SBF2: variants seen among roughly 807,000 people sequenced by gnomAD.
The protein encoded by SBF2 is SET binding factor 2.
A neutral mutation model predicts 225.2 loss-of-function variants in SBF2; 112 were observed. The observed-to-expected ratio is 0.50, with a 90% confidence interval of 0.43 to 0.58. SBF2 has a LOEUF of 0.58. Ranked by LOEUF, SBF2 falls within the 20% of genes least tolerant of loss-of-function variation. The pLI is 0.00. For synonymous variants in SBF2, 763 were observed against 773.3 expected, an observed-to-expected ratio of 0.99 and a Z score of 0.22; for missense variants, 1,996 against 2,206.2, an observed-to-expected ratio of 0.90 and a Z score of 1.91.
At chr11:10,129,623 A>T (rs1591023103) in intron 2 of SBF2, among the ~76,000 whole-genome samples, 1 of 152,222 alleles carries the variant, frequency 6.6e-6, no homozygotes, top group Non-Finnish European at 1.5e-5. Context: ...CATGAGAATT[A>T]TTCAGTTTCT....
At chr11:10,208,548 A>G (rs2135375519) in intron 1 of SBF2, among the ~76,000 whole-genome samples, 1 of 152,210 alleles carries the variant, frequency 6.6e-6, no homozygotes, top group East Asian at 1.9e-4. Context: ...GGGGTGAAGG[A>G]GGCGGTGAAG....
At chr11:10,042,462 G>A (rs112154888) in intron 3 of SBF2, among the ~76,000 whole-genome samples, 72 of 152,258 alleles carry the variant, frequency 4.7e-4, no homozygotes, top group African/African-American at 1.6e-3. Context: ...AAACAATAAT[G>A]TCAAGCATTG....
In SBF2 at chr11:10,294,177, A is replaced by C. The variant is rs910114584; in HGVS notation, c.-108T>G. 5.9e-6 allele frequency: 5 copies of C among 842,360 alleles called. No homozygotes were observed. Among genetic ancestry groups the C allele is most frequent in the Non-Finnish European group, 6.4e-6 (4 of 628,448 alleles). The allele number at this position is 842,360 out of a possible 1,614,324, so 52.2% of individuals were successfully genotyped here. On this transcript the variant is annotated 5_prime_UTR_variant, in exon 1 of 40. Coordinates refer to ENST00000256190, the MANE Select transcript of SBF2 (RefSeq NM_030962.4). ...TTTTCCCTGCAGCGGCAGTAGCGGC[A>C]GCGGCAGCGCTTCAGCCATGTTTGA...
chr11:10,219,083 G>A (rs1041085703), intron 1 of SBF2, among the ~76,000 whole-genome samples: 103 of 152,280 alleles, frequency 6.8e-4, no homozygotes, highest in Non-Finnish European at 2.1e-4. Context: ...TCTGTGTGGC[G>A]GCTCTGACTC....
intron 6 of SBF2, among the ~76,000 whole-genome samples, chr11:10,025,898 G>C (rs553282388): frequency 6.6e-6 from 1 of 152,260 alleles, no homozygotes; most frequent in African/African-American, 2.4e-5. Flanking sequence ...ACTGTGCCTG[G>C]TCTAGCGGAT....
intron 1 of SBF2, among the ~76,000 whole-genome samples, chr11:10,207,062 G>A (rs1957775434): frequency 6.6e-6 from 1 of 152,058 alleles, no homozygotes; most frequent in South Asian, 2.1e-4. Flanking sequence ...TTAAACATCT[G>A]AAAATTAAAA....
At chr11:9,952,834 A>G (rs901158557) in intron 16 of SBF2, among the ~76,000 whole-genome samples, 2 of 152,238 alleles carry the variant, frequency 1.3e-5, no homozygotes, top group Non-Finnish European at 2.9e-5. Flanking sequence ...CAAAACCACA[A>G]TATGATACCA....
At chr11:10,075,355 C>A (rs1224557334) in intron 2 of SBF2, among the ~76,000 whole-genome samples, 1 of 152,224 alleles carries the variant, frequency 6.6e-6, no homozygotes, top group African/African-American at 2.4e-5. Flanking sequence ...ACCAGTCACA[C>A]AATCAGTACT....
rs139406752 is a variant in SBF2, at chr11:9,805,822, C to T, written c.4443+2178G>A. On this transcript the variant is annotated intron_variant, in intron 32 of 39. Transcript: ENST00000256190. ...TATTTTTAGTAGAGATGGGGTTTCA[C>T]CATGTTGGCCAGGATGGTTTTGATC... Among the ~76,000 whole-genome samples the T allele has an allele frequency of 5.6e-4, 86 of 152,246 alleles. No homozygotes were observed. The East Asian group carries it at 0.013, about 23-fold the overall frequency.
intron 1 of SBF2, among the ~76,000 whole-genome samples, chr11:10,277,306 C>T (rs1273910945): frequency 6.6e-6 from 1 of 151,936 alleles, no homozygotes; most frequent in African/African-American, 2.4e-5. Flanking sequence ...CCAAGGAATT[C>T]TGAATTTTCT....
chr11:9,920,374 G>C (rs1427675960), intron 16 of SBF2, among the ~76,000 whole-genome samples: 4 of 152,100 alleles, frequency 2.6e-5, no homozygotes, highest in Non-Finnish European at 5.9e-5. Context: ...CCAAGTTCCT[G>C]ATACAGAGAA....
chr11:10,120,140 G>C (rs1953367217), intron 2 of SBF2, among the ~76,000 whole-genome samples: 1 of 152,098 alleles, frequency 6.6e-6, no homozygotes, highest in African/African-American at 2.4e-5. Context: ...CTGATTCTAT[G>C]AGTTTGACTA....
chr11:10,178,141 T>A (rs1956554585), intron 2 of SBF2, among the ~76,000 whole-genome samples: 1 of 147,180 alleles, frequency 6.8e-6, no homozygotes, highest in Admixed American at 6.9e-5. Context: ...GCTAGCCATA[T>A]GTAGAAAGCT....
At chr11:10,243,619 G>C (rs1277224287) in intron 1 of SBF2, among the ~76,000 whole-genome samples, 4 of 151,658 alleles carry the variant, frequency 2.6e-5, no homozygotes, top group Non-Finnish European at 4.4e-5. Flanking sequence ...TGGAAGAAGA[G>C]ACATTACAAT....
At chr11:9,977,872 A>G (rs569880731) in intron 13 of SBF2, among the ~76,000 whole-genome samples, 104 of 151,834 alleles carry the variant, frequency 6.8e-4, no homozygotes, top group African/African-American at 2.4e-3. Context: ...CTAAAAAGCA[A>G]TATAAAGGAG....
At chr11:9,999,621 C>G (rs1230902263) in intron 8 of SBF2, among the ~76,000 whole-genome samples, 1 of 152,148 alleles carries the variant, frequency 6.6e-6, no homozygotes, top group Non-Finnish European at 1.5e-5. Context: ...CGTGCCTGGC[C>G]TCCAGTGACT....
At chr11:9,827,396 G>A (rs571805258) in intron 28 of SBF2, among the ~76,000 whole-genome samples, 1 of 152,186 alleles carries the variant, frequency 6.6e-6, no homozygotes, top group South Asian at 2.1e-4. Flanking sequence ...GGGAGTGGTG[G>A]CACACACCTG....
intron 6 of SBF2, among the ~76,000 whole-genome samples, chr11:10,013,010 T>C (rs151238617): frequency 1.5e-4 from 23 of 152,318 alleles, no homozygotes; most frequent in African/African-American, 5.5e-4. Flanking sequence ...CTGACCAATT[T>C]TGCATGGGTT....
chr11:9,792,604 C>T (rs1852822540), intron 33 of SBF2, among the ~76,000 whole-genome samples: 1 of 152,116 alleles, frequency 6.6e-6, no homozygotes, highest in African/African-American at 2.4e-5. Flanking sequence ...GAACAGACTT[C>T]AAGTAGGCAA....
Sources: allele counts gnomAD v4.1 joint callset (sites outside exome capture counted in the v4.1 genomes callset), GRCh38; gene constraint gnomAD v4.1.1; transcripts MANE v1.5; gene names NCBI Gene and HGNC (gene_info 2026-07-23, HGNC 2026-07-21).